The following ODF1 variants were observed in gnomAD, a reference collection of about 807,000 sequenced individuals.
ODF1 encodes the protein outer dense fiber protein 1.
A neutral mutation model predicts 24.0 loss-of-function variants in ODF1; 10 were observed. The observed-to-expected ratio is 0.42, with a 90% CI of 0.26 to 0.71. The LOEUF (loss-of-function observed/expected upper bound fraction) is 0.71. Among genes scored for constraint, ODF1 ranks in the 30% least tolerant of loss-of-function variants. The pLI is 0.28. For synonymous variants in ODF1, 118 were observed against 121.3 expected (o/e 0.97, Z 0.18); for missense variants, 282 against 307.9 (o/e 0.92, Z 0.63).
intron 1 of ODF1, among the ~76,000 whole-genome samples, chr8:102,553,017 T>TAGTTA (rs57642682): frequency 5.3e-5 from 5 of 94,234 alleles, no homozygotes; most frequent in African/African-American, 1.9e-4. Flanking sequence ...GATAGATAGA[T>TAGTTA]GATAGATAGA....
intron 1 of ODF1, among the ~76,000 whole-genome samples, chr8:102,558,384 G>A (rs934340308): frequency 3.3e-5 from 5 of 152,258 alleles, no homozygotes; most frequent in Admixed American, 2.6e-4. Flanking sequence ...AACCTGGGAG[G>A]CGGAGCTTGC....
intron 1 of ODF1, 44 bp downstream of exon 1, chr8:102,552,091 C>T (rs768133439): frequency 7.0e-7 from 1 of 1,425,198 alleles, no homozygotes; most frequent in South Asian, 1.4e-5. Context: ...GTATATTAGC[C>T]TTATAAGTTG....
chr8:102,554,652 G>A (rs1210244437), intron 1 of ODF1, among the ~76,000 whole-genome samples: 3 of 152,114 alleles, frequency 2.0e-5, no homozygotes, highest in South Asian at 2.1e-4. Context: ...CTTAGACTGG[G>A]CATAGAAAAT....
At chr8:102,559,161 C>T (rs1486924420) in intron 1 of ODF1, among the ~76,000 whole-genome samples, 1 of 151,252 alleles carries the variant, frequency 6.6e-6, no homozygotes, top group African/African-American at 2.5e-5. Flanking sequence ...ATGATGTAGG[C>T]TATTTTTATT....
At chr8:102,557,132 C>T (rs1305164281) in intron 1 of ODF1, among the ~76,000 whole-genome samples, 1 of 152,064 alleles carries the variant, frequency 6.6e-6, no homozygotes, top group African/African-American at 2.4e-5. Context: ...CTAGCTTTCC[C>T]CAGCTTTCCT....
At chr8:102,554,005 C>G (rs1228920543) in intron 1 of ODF1, among the ~76,000 whole-genome samples, 1 of 141,790 alleles carries the variant, frequency 7.1e-6, no homozygotes, top group African/African-American at 2.7e-5. Context: ...TCCGCTTTAT[C>G]TCTTCCAATT....
chr8:102,554,809 T>G (rs1376790237), intron 1 of ODF1, among the ~76,000 whole-genome samples: 1 of 152,034 alleles, frequency 6.6e-6, no homozygotes, highest in Non-Finnish European at 1.5e-5. Context: ...AATAAAAAAA[T>G]TAACCAAGTG....
chr8:102,555,523 A>T (rs1340801051), intron 1 of ODF1, among the ~76,000 whole-genome samples: 2 of 152,070 alleles, frequency 1.3e-5, no homozygotes, highest in African/African-American at 4.8e-5. Context: ...CACCAGGGGC[A>T]CTCTCAAAAC....
chr8:102,557,948 G>A (rs1826132692), intron 1 of ODF1, among the ~76,000 whole-genome samples: 1 of 152,230 alleles, frequency 6.6e-6, no homozygotes, highest in Non-Finnish European at 1.5e-5. Flanking sequence ...TGGAGTTTGG[G>A]CTGGTTCCCT....
Position 102,551,978 on chromosome 8 carries a change from G to A in ODF1, c.251G>A (p.Arg84Gln), listed in dbSNP as rs143906399. 23 of 1,613,546 alleles carry A rather than the reference G, an allele frequency of 1.4e-5. No individual in the cohort carries two copies. The highest frequency in any genetic ancestry group is 1.3e-4 in the Admixed American group (8 of 60,000). The change falls in exon 1 of 2, where the codon CGA (arginine) becomes CAA (glutamine). Residue 84 changes from arginine (R) to glutamine (Q), a missense_variant. By Grantham distance (43) the Arg-to-Gln change is conservative (BLOSUM62 1). Coordinates refer to ENST00000285402, the MANE Select transcript of ODF1 (RefSeq NM_024410.4). ...TGTGATTATAAGCTTTACTGTCTGC[G>A]ACCATCTCTCAGAAGTTTGGAGAGG... is the stretch of plus-strand genomic sequence containing the variant. ...CLCDYKLYCL[R>Q]PSLRSLERKA...
At chr8:102,554,258 A>G (rs1358503172) in intron 1 of ODF1, among the ~76,000 whole-genome samples, 4 of 152,220 alleles carry the variant, frequency 2.6e-5, no homozygotes, top group Non-Finnish European at 5.9e-5. Context: ...AGATGCAGAA[A>G]TATCATGTTG....
chr8:102,560,764 C>G lies in ODF1; in HGVS notation c.633C>G (p.Pro211=), dbSNP rs3018444. ...ACCCTTGCACTTCTCCTTGCAGCCC[C>G]TGCAGCCCCTGCAGCCCCTGCAACC... The part of the protein sequence containing the change: ...PCYPCTSPCS[P]CSPCSPCNPC... Residue 211 remains proline (P), a synonymous_variant, in exon 2 of 2, where the codon CCC becomes CCG. Transcript: ENST00000285402. 0.87 allele frequency: 1,404,294 copies of G among 1,609,506 alleles called. 615,660 individuals are homozygous for G. Among genetic ancestry groups the G allele is most frequent in the Middle Eastern group, 0.94 (5,661 of 6,052 alleles).
intron 1 of ODF1, 29 bp downstream of exon 1, chr8:102,552,076 A>T (rs1267699227): frequency 6.6e-6 from 10 of 1,515,498 alleles, no homozygotes; most frequent in Non-Finnish European, 8.9e-6. Flanking sequence ...AAATTTTTAT[A>T]GTCGGTATAT....
intron 1 of ODF1, 33 bp downstream of exon 1, chr8:102,552,080 G>T: frequency 1.3e-6 from 2 of 1,484,456 alleles, no homozygotes; most frequent in Non-Finnish European, 1.8e-6. Flanking sequence ...TTTTATAGTC[G>T]GTATATTAGC....
Position 102,560,988 on chromosome 8 carries a change from G to C in ODF1, c.*104G>C. 1 of 1,095,330 alleles carries C rather than the reference G, an allele frequency of 9.1e-7. No individual in the cohort carries two copies. Among genetic ancestry groups the C allele is most frequent in the African/African-American group, 1.6e-5 (1 of 62,988 alleles). 67.9% of individuals were successfully genotyped at this position (1,095,330 alleles called of 1,614,324 possible). A position where few individuals can be genotyped will look rare whatever the true frequency, so the allele number is the denominator to read the frequency against. On this transcript the variant is annotated 3_prime_UTR_variant, in exon 2 of 2. Transcript: ENST00000285402. ...CCCATGGCCCCTGTTGTTGAAGTAC[G>C]TAGGAAACTGAATACATAACTGCAA...
In ODF1 at chr8:102,560,892, A is replaced by G. The variant is rs1826176890; in HGVS notation, c.*8A>G. 1.3e-6 allele frequency: 2 copies of G among 1,594,594 alleles called. No homozygotes were observed. The highest frequency in any genetic ancestry group is 1.7e-6 in the Non-Finnish European group (2 of 1,169,070). On this transcript the variant is annotated 3_prime_UTR_variant, in exon 2 of 2. Transcript: ENST00000285402. ...AGGAAGATGATTTTGTAAAGTGCGC[A>G]TAGGAACCCATTACTTAATAGAAGT...
chr8:102,552,490 A>G (rs1275635184), intron 1 of ODF1, among the ~76,000 whole-genome samples: 8 of 152,150 alleles, frequency 5.3e-5, no homozygotes, highest in Non-Finnish European at 8.8e-5. Flanking sequence ...CTTTACAAGC[A>G]GGAGAGCAAA....
intron 1 of ODF1, among the ~76,000 whole-genome samples, chr8:102,554,765 C>T (rs914276522): frequency 1.3e-5 from 2 of 152,098 alleles, no homozygotes; most frequent in Admixed American, 6.5e-5. Flanking sequence ...CCAGCCTGAG[C>T]AACACAGGGA....
At chr8:102,556,973 T>G (rs950808367) in intron 1 of ODF1, among the ~76,000 whole-genome samples, 3 of 152,198 alleles carry the variant, frequency 2.0e-5, no homozygotes, top group African/African-American at 7.2e-5. Flanking sequence ...ATTTTTATCT[T>G]TGAGAAGATG....
Sources: allele counts gnomAD v4.1 joint callset (sites outside exome capture counted in the v4.1 genomes callset), GRCh38; gene constraint gnomAD v4.1.1; transcripts MANE v1.5; gene names NCBI Gene and HGNC (gene_info 2026-07-23, HGNC 2026-07-21).